The following DYNC2H1 variants were observed in gnomAD, a reference collection of about 807,000 sequenced individuals.
DYNC2H1 encodes dynein cytoplasmic 2 heavy chain 1, also known as cytoplasmic dynein 2 heavy chain 1.
A neutral mutation model predicts 570.0 loss-of-function variants in DYNC2H1; 410 were observed. The observed-to-expected ratio is 0.72, with a 90% CI of 0.66 to 0.78. DYNC2H1 has a LOEUF of 0.78. Among genes scored for constraint, DYNC2H1 ranks in the 30% least tolerant of loss-of-function variants. The pLI, the probability that DYNC2H1 is intolerant of heterozygous loss-of-function variation, is 0.00. For missense variants in DYNC2H1, 4,865 were observed against 5,046.4 expected (o/e 0.96, Z 1.09); for synonymous variants, 1,688 against 1,677.6 (o/e 1.01, Z -0.15).
rs1423829649 is a variant in DYNC2H1 at position 103,155,473 on chromosome 11, C to G, written c.3716C>G (p.Thr1239Arg). ...LFGDLLRVAD[T>R]IVAKAADLKD... The stretch of plus-strand genomic sequence containing the variant: ...GGTGATTTGCTCAGAGTAGCTGATA[C>G]AATTGTAGCCAAAGCTGCCGACCTT... The change falls in exon 25 of 89, where the codon ACA becomes AGA. Residue 1239 changes from threonine (T) to arginine (R), a missense_variant. By Grantham distance (71) the Thr-to-Arg change is moderately conservative. Around this residue, in one of 5 missense-constraint regions of DYNC2H1, gnomAD observed 1,936 missense variants for 1,962.1 expected, o/e 0.99. Transcript: ENST00000375735. The G allele has an allele frequency of 1.2e-6, 2 of 1,610,126 alleles. No individual in the cohort carries two copies. Among genetic ancestry groups the G allele is most frequent in the Non-Finnish European group, 8.5e-7 (1 of 1,178,328 alleles).
chr11:103,209,902 A>G lies in DYNC2H1; in HGVS notation c.8481A>G (p.Thr2827=), dbSNP rs370627443. The G allele has an allele frequency of 6.7e-7, 1 of 1,495,542 alleles. No homozygotes were observed. The highest frequency in any genetic ancestry group is 2.3e-5 in the Admixed American group (1 of 43,844). 92.6% of individuals were successfully genotyped at this position (1,495,542 alleles called of 1,614,324 possible). A position where few individuals can be genotyped will look rare whatever the true frequency, so the allele number is the denominator to read the frequency against. Residue 2827 remains threonine (T), a synonymous_variant, in exon 53 of 89, where the codon ACA becomes ACG. Transcript: ENST00000375735. This position sits in a 1 kb window ranked among gnomAD's most constrained non-coding sequence, Gnocchi z 4.2. ...TACCTGAAATGTTATTCAGTGAAACAGGTGGTGGAGAAAAATACAATGATA... is the reference window on the plus strand; with the variant it reads ...TACCTGAAATGTTATTCAGTGAAACGGGTGGTGGAGAAAAATACAATGATA... ...KKIPEMLFSE[T]GGGEKYNDKK...
chr11:103,420,890 A>G (rs1421267368), intron 84 of DYNC2H1, among the ~76,000 whole-genome samples: 1 of 152,216 alleles, frequency 6.6e-6, no homozygotes, highest in African/African-American at 2.4e-5. Context: ...CTAATCTTAA[A>G]AGGAAGTGGG....
intron 69 of DYNC2H1, among the ~76,000 whole-genome samples, chr11:103,258,847 A>G (rs1865162056): frequency 6.6e-6 from 1 of 152,242 alleles, no homozygotes; most frequent in Non-Finnish European, 1.5e-5. Context: ...TTGTAGGTAC[A>G]GTACTGTGTC....
intron 88 of DYNC2H1, 70 bp downstream of exon 88, chr11:103,468,775 G>T: frequency 8.3e-7 from 1 of 1,211,874 alleles, no homozygotes; most frequent in Non-Finnish European, 1.2e-6. Flanking sequence ...TTTTCAAGAA[G>T]ACATTCTTGG....
At position 103,334,066 on chromosome 11, in the gene DYNC2H1, G is replaced by C. The variant is rs1188902821; in HGVS notation, c.12039+10076G>C. ...GCAGCATGTTGCCTGGAAAGAAATG[G>C]TGTAAAATTTGTTATTTTTGAACAA... is the stretch of plus-strand genomic sequence containing the variant. On this transcript the variant is annotated intron_variant, in intron 82 of 88. Coordinates refer to ENST00000375735, the MANE Select transcript of DYNC2H1 (RefSeq NM_001377.3). This position sits in a 1 kb window ranked among gnomAD's most constrained non-coding sequence, Gnocchi z 4.3. 1.3e-5 allele frequency among the ~76,000 whole-genome samples: 2 copies of C among 152,100 alleles called. No individual in the cohort carries two copies. Among genetic ancestry groups the C allele is most frequent in the Non-Finnish European group, 2.9e-5 (2 of 68,018 alleles).
In DYNC2H1 at chr11:103,268,808, GAGTT is replaced by G. The variant is rs1865599178; in HGVS notation, c.10695+8836_10695+8839del. Among the ~76,000 whole-genome samples, 1 of 151,880 alleles carries G rather than the reference GAGTT, an allele frequency of 6.6e-6. No homozygotes were observed. Among genetic ancestry groups the G allele is most frequent in the Non-Finnish European group, 1.5e-5 (1 of 67,914 alleles). On this transcript the variant is annotated intron_variant, in intron 70 of 88. Transcript: ENST00000375735. The surrounding 1 kb of genome is among the most constrained non-coding windows in gnomAD (Gnocchi z 4.6). The stretch of plus-strand genomic sequence containing the variant: ...AAATATTAGTAGCTTTTCTTATTAG[GAGTT>G]AGTTGCTTGTTTCTAAGCTATGTGT...
In DYNC2H1 at chr11:103,143,499, C is replaced by G. The variant is rs111488499; in HGVS notation, c.2702+104C>G. The G allele has an allele frequency of 1.4e-5, 16 of 1,156,580 alleles. No homozygotes were observed. The African/African-American group carries it at 1.7e-4, about 12-fold the overall frequency. 71.6% of individuals were successfully genotyped at this position (1,156,580 alleles called of 1,614,324 possible). ...CATTGAAGTCACATCAGCTTCTTGC[C>G]TCCTCCAGATCTCATTTATGACACT... On this transcript the variant is annotated intron_variant, in intron 18 of 88. Transcript: ENST00000375735.
At position 103,151,375 on chromosome 11, in the gene DYNC2H1, AG is replaced by A; in HGVS notation, c.2947-759del. On this transcript the variant is annotated intron_variant, in intron 20 of 88. Transcript: ENST00000375735. This position sits in a 1 kb window ranked among gnomAD's most constrained non-coding sequence, Gnocchi z 4.6. ...GCTAGGATTACAGGTGTGAGCTGCC[AG>A]GCCTGCCCAATTCAGTTATATTTGA... is the stretch of plus-strand genomic sequence containing the variant. 6.6e-6 allele frequency among the ~76,000 whole-genome samples: 1 copy of A among 152,266 alleles called. No individual in the cohort carries two copies. Among genetic ancestry groups the A allele is most frequent in the East Asian group, 1.9e-4 (1 of 5,186 alleles).
In DYNC2H1 at chr11:103,243,754, A is replaced by G. The variant is rs775074742; in HGVS notation, c.9881A>G (p.His3294Arg). The G allele has an allele frequency of 6.2e-7, 1 of 1,604,450 alleles. No homozygotes were observed. The highest frequency in any genetic ancestry group is 8.5e-7 in the Non-Finnish European group (1 of 1,174,898). ...SSQATEWLKT[H>R]LKDSRLEVIN... ...CAAGCTACAGAGTGGTTAAAAACAC[A>G]TTTGAAAGACTCACGTTTAGAAGTT... Residue 3294 changes from histidine to arginine, a missense_variant, in exon 64 of 89, where the codon CAT becomes CGT. Physicochemically the swap from His to Arg is conservative, Grantham distance 29. This residue lies in a region of DYNC2H1 where 2,401 missense variants were observed against 2,454.6 expected (regional missense o/e 0.98). Coordinates refer to ENST00000375735, the MANE Select transcript of DYNC2H1 (RefSeq NM_001377.3). This position sits in a 1 kb window ranked among gnomAD's most constrained non-coding sequence, Gnocchi z 4.8.
intron 83 of DYNC2H1, among the ~76,000 whole-genome samples, chr11:103,383,858 G>C (rs911814548): frequency 1.3e-5 from 2 of 151,972 alleles, no homozygotes; most frequent in Non-Finnish European, 2.9e-5. Context: ...TGATAGGCAT[G>C]TTTTCATTAT....
intron 75 of DYNC2H1, among the ~76,000 whole-genome samples, chr11:103,291,244 C>T (rs1357301844): frequency 6.6e-6 from 1 of 152,066 alleles, no homozygotes; most frequent in Non-Finnish European, 1.5e-5. Context: ...TTGAGACCAG[C>T]CTGGACAACA....
chr11:103,282,982 A>G (rs555771752), intron 72 of DYNC2H1, 26 bp from the exon 73 acceptor site: 1 of 1,560,468 alleles, frequency 6.4e-7, no homozygotes, highest in Non-Finnish European at 8.7e-7. Flanking sequence ...CAAGTATACT[A>G]AGGAAAATAA....
chr11:103,121,286 A>G, intron 9 of DYNC2H1, 86 bp from the exon 10 acceptor site: 1 of 1,419,582 alleles, frequency 7.0e-7, no homozygotes, highest in African/African-American at 1.4e-5. Context: ...TTTCTACAGC[A>G]TCTGACATAG....
In DYNC2H1 at chr11:103,326,522, G is replaced by A. The variant is rs1054451870; in HGVS notation, c.12039+2532G>A. Reference sequence around the variant, plus strand: ...CTCCCCAGCTCCAGTGTTGGCCGCAGATCTGGGCTCGGTACTCCTGAGCTG... The same window carrying A: ...CTCCCCAGCTCCAGTGTTGGCCGCAAATCTGGGCTCGGTACTCCTGAGCTG... On this transcript the variant is annotated intron_variant, in intron 82 of 88. Coordinates refer to ENST00000375735, the MANE Select transcript of DYNC2H1 (RefSeq NM_001377.3). The surrounding 1 kb of genome is among the most constrained non-coding windows in gnomAD (Gnocchi z 6.1). Among the ~76,000 whole-genome samples, 11 of 152,212 alleles carry A rather than the reference G, an allele frequency of 7.2e-5. No individual in the cohort carries two copies. Among genetic ancestry groups the A allele is most frequent in the African/African-American group, 2.4e-4 (10 of 41,462 alleles).
At chr11:103,442,505 C>T (rs1944301772) in intron 85 of DYNC2H1, among the ~76,000 whole-genome samples, 1 of 152,012 alleles carries the variant, frequency 6.6e-6, no homozygotes, top group Non-Finnish European at 1.5e-5. Flanking sequence ...AATTTCTCAG[C>T]AGTAACAGCT....
intron 84 of DYNC2H1, chr11:103,403,424 C>G (rs1023788038): frequency 1.3e-5 from 2 of 152,036 alleles, no homozygotes; most frequent in Admixed American, 6.6e-5. Flanking sequence ...TCGAGGCATT[C>G]ACTGCAGAGA....
chr11:103,470,168 A>G (rs2135853160), intron 88 of DYNC2H1, among the ~76,000 whole-genome samples: 1 of 152,342 alleles, frequency 6.6e-6, no homozygotes, highest in East Asian at 1.9e-4. Flanking sequence ...CAGTGCTGTC[A>G]TGGACAAAGC....
In DYNC2H1 at chr11:103,133,536, G is replaced by A. The variant is rs759137160; in HGVS notation, c.1954-19G>A. The A allele has an allele frequency of 3.8e-6, 6 of 1,588,184 alleles. No individual in the cohort carries two copies. Among genetic ancestry groups the A allele is most frequent in the Admixed American group, 1.9e-5 (1 of 52,144 alleles). On this transcript the variant is annotated intron_variant, in intron 13 of 88. Coordinates refer to ENST00000375735, the MANE Select transcript of DYNC2H1 (RefSeq NM_001377.3). The surrounding 1 kb of genome is among the most constrained non-coding windows in gnomAD (Gnocchi z 4.8). ...AAAGAAATACTTATACATACTAAAG[G>A]TTATTTATTGTACCATAGAATTCAA... is the stretch of plus-strand genomic sequence containing the variant.
At chr11:103,191,644 G>T (rs748187847) in intron 46 of DYNC2H1, 25 bp downstream of exon 46, 1 of 1,068,292 alleles carries the variant, frequency 9.4e-7, no homozygotes, top group South Asian at 1.8e-5. Flanking sequence ...TGTGTATCTT[G>T]TGTGTGTGTG....
Sources: gnomAD v4.1 joint callset for allele counts (sites outside exome capture counted in the v4.1 genomes callset) on GRCh38, gnomAD v4.1.1 for gene constraint, gnomAD v4.1.1 regional missense constraint, Gnocchi (gnomAD v3.1) non-coding constraint, MANE v1.5 for transcripts, NCBI Gene and HGNC (gene_info 2026-07-23, HGNC 2026-07-21) for gene names.